Variants in COG2 observed in about 807,000 individuals in gnomAD.
COG2 encodes component of oligomeric golgi complex 2, also known as conserved oligomeric Golgi complex subunit 2.
COG2 carries 52 observed loss-of-function variants against 90.6 expected under a neutral mutation model. The observed-to-expected ratio is 0.57, with a 90% CI of 0.46 to 0.72. The LOEUF (loss-of-function observed/expected upper bound fraction) is 0.72. Ranked by LOEUF, COG2 falls within the 30% of genes least tolerant of loss-of-function variation. COG2 has a pLI of 0.00. For synonymous variants in COG2, 337 were observed against 320.4 expected (o/e 1.05, Z -0.55); for missense variants, 829 against 891.2 (o/e 0.93, Z 0.89).
chr1:230,690,915 G>A lies in COG2; in HGVS notation c.1935-469G>A, dbSNP rs186309561. On this transcript the variant is annotated intron_variant, in intron 16 of 17. Coordinates refer to ENST00000366669, the MANE Select transcript of COG2 (RefSeq NM_007357.3). ...AAATTATATTGCAAGTATTTTGAAG[G>A]CAATGAGCTTTATTTAAAATTCTGA... Among the ~76,000 whole-genome samples, 521 of 152,118 alleles carry A rather than the reference G, an allele frequency of 3.4e-3. 1 individual carries two copies. Among genetic ancestry groups the A allele is most frequent in the Middle Eastern group, 0.01 (3 of 294 alleles).
intron 17 of COG2, among the ~76,000 whole-genome samples, chr1:230,692,518 A>G (rs762476419): frequency 1.3e-5 from 2 of 152,136 alleles, no homozygotes; most frequent in African/African-American, 2.4e-5. Context: ...TATTTGGCAA[A>G]AAAACCCAAA....
At chr1:230,681,794 A>T (rs1461766938) in intron 10 of COG2, 2 of 152,186 alleles carry the variant, frequency 1.3e-5, no homozygotes, top group Non-Finnish European at 2.9e-5. Flanking sequence ...CCTGGAAGTG[A>T]CTGCACAGCA....
At chr1:230,648,463 A>C (rs1661841595) in intron 1 of COG2, among the ~76,000 whole-genome samples, 1 of 152,188 alleles carries the variant, frequency 6.6e-6, no homozygotes, top group African/African-American at 2.4e-5. Flanking sequence ...TTGTCACAGA[A>C]TTTTCTAATT....
In COG2 at chr1:230,687,096, G is replaced by A. The variant is rs758412933; in HGVS notation, c.1542G>A (p.Val514=). 3.1e-6 allele frequency: 5 copies of A among 1,613,250 alleles called. No homozygotes were observed. Among genetic ancestry groups the A allele is most frequent in the Non-Finnish European group, 3.4e-6 (4 of 1,179,504 alleles). Residue 514 remains valine (V), a synonymous_variant, in exon 13 of 18, where the codon GTG becomes GTA. Coordinates refer to ENST00000366669, the MANE Select transcript of COG2 (RefSeq NM_007357.3). ...PVVSISRTQL[V]YVVADLDKLQ... ...TTTCCATTTCCCGCACTCAGCTCGT[G>A]TATGTGGTTGCAGACCTGGACAAGC...
Position 230,659,431 on chromosome 1 carries a change from T to C in COG2, c.73-33T>C, listed in dbSNP as rs1359866. ...GTATATGTCACTGTGATATCATTGC[T>C]ATAATTTTTTCTTCTCTGGTTTTAT... On this transcript the variant is annotated intron_variant, in intron 1 of 17. Coordinates refer to ENST00000366669, the MANE Select transcript of COG2 (RefSeq NM_007357.3). The C allele has an allele frequency of 0.63, 990,910 of 1,561,318 alleles. 318,743 individuals are homozygous for C. Among genetic ancestry groups the C allele is most frequent in the East Asian group, 0.86 (38,380 of 44,656 alleles).
chr1:230,646,597 C>G (rs955002661), intron 1 of COG2, among the ~76,000 whole-genome samples: 5 of 152,166 alleles, frequency 3.3e-5, no homozygotes, highest in Admixed American at 2.6e-4. Context: ...CAAATACCTT[C>G]TTATCTGCAA....
chr1:230,658,785 G>A (rs912694008), intron 1 of COG2, among the ~76,000 whole-genome samples: 39 of 152,106 alleles, frequency 2.6e-4, no homozygotes, highest in African/African-American at 8.9e-4. Flanking sequence ...TGGCCACAGC[G>A]GCCTTGCTGA....
intron 10 of COG2, chr1:230,681,647 C>T (rs993711446): frequency 7.2e-5 from 11 of 152,242 alleles, no homozygotes; most frequent in African/African-American, 2.2e-4. Flanking sequence ...GGTTGCCCTT[C>T]TTACATGGAT....
intron 13 of COG2, among the ~76,000 whole-genome samples, chr1:230,687,340 G>A (rs1440759738): frequency 6.6e-6 from 1 of 152,094 alleles, no homozygotes; most frequent in African/African-American, 2.4e-5. Context: ...GGTTTCTAAG[G>A]GTGTGCACTT....
chr1:230,669,340 C>A lies in COG2; in HGVS notation c.595-16C>A. 1 of 1,574,476 alleles carries A rather than the reference C, an allele frequency of 6.4e-7. No homozygotes were observed. Among genetic ancestry groups the A allele is most frequent in the South Asian group, 1.2e-5 (1 of 85,832 alleles). Reference sequence around the variant, plus strand: ...CAACTAGAGCTTTTTTTTTATTTACCCACCTTTTCTTGCAGCGTATAGCTG... The same window carrying A: ...CAACTAGAGCTTTTTTTTTATTTACACACCTTTTCTTGCAGCGTATAGCTG... On this transcript the variant is annotated splice_polypyrimidine_tract_variant and intron_variant, in intron 6 of 17. Coordinates refer to ENST00000366669, the MANE Select transcript of COG2 (RefSeq NM_007357.3).
At chr1:230,644,550 A>G (rs942346058) in intron 1 of COG2, among the ~76,000 whole-genome samples, 2 of 152,188 alleles carry the variant, frequency 1.3e-5, no homozygotes, top group African/African-American at 4.8e-5. Context: ...GAAAATCCAG[A>G]TTTAAAGTTG....
chr1:230,667,647 G>A (rs1342288716), intron 5 of COG2, among the ~76,000 whole-genome samples: 3 of 152,128 alleles, frequency 2.0e-5, no homozygotes, highest in Non-Finnish European at 2.9e-5. Flanking sequence ...AACAGTTAGG[G>A]ATATTCAAGA....
At chr1:230,690,878 T>A (rs1345904561) in intron 16 of COG2, among the ~76,000 whole-genome samples, 1 of 152,204 alleles carries the variant, frequency 6.6e-6, no homozygotes, top group Non-Finnish European at 1.5e-5. Context: ...ATATAACTCA[T>A]TTATAATTTG....
rs1377705492 is a variant in COG2 at position 230,690,101 on chromosome 1, C to T, written c.1882C>T (p.Gln628Ter). 1 of 1,613,774 alleles carries T rather than the reference C, an allele frequency of 6.2e-7. No homozygotes were observed. The highest frequency in any genetic ancestry group is 2.2e-5 in the East Asian group (1 of 44,864). The change falls in exon 16 of 18, where the codon CAA becomes TAA. Residue 628 changes from glutamine (Q) to a stop codon, truncating the protein, a stop_gained. Transcript: ENST00000366669. LOFTEE classifies it high-confidence loss of function. ...GAGCGGACACAAGGATAAGCTCAAACAAGCAATAATTCAGCAGTGGCTAGA... is the reference window on the plus strand; with the variant it reads ...GAGCGGACACAAGGATAAGCTCAAATAAGCAATAATTCAGCAGTGGCTAGA... ...LQSGHKDKLK[Q>*]AIIQQWLEGT...
At chr1:230,684,169 A>T (rs1260167721) in intron 11 of COG2, among the ~76,000 whole-genome samples, 8 of 152,196 alleles carry the variant, frequency 5.3e-5, no homozygotes, top group Admixed American at 5.2e-4. Flanking sequence ...GAGATGAAAA[A>T]TGAATAAGAA....
chr1:230,674,733 G>C (rs919215841), intron 8 of COG2, among the ~76,000 whole-genome samples: 1 of 152,112 alleles, frequency 6.6e-6, no homozygotes, highest in African/African-American at 2.4e-5. Flanking sequence ...AGTGTACCAA[G>C]GTGATTTTAT....
intron 9 of COG2, 34 bp from the exon 10 acceptor site, chr1:230,678,879 T>C (rs748660922): frequency 8.4e-5 from 134 of 1,600,682 alleles, no homozygotes; most frequent in Non-Finnish European, 1.1e-4. Flanking sequence ...GTTAGTGTTC[T>C]AATAATGAAA....
In COG2 at chr1:230,678,978, A is replaced by G; in HGVS notation, c.1092A>G (p.Val364=). The change falls in exon 10 of 18, where the codon GTA becomes GTG. Residue 364 remains valine (V), a synonymous_variant. Coordinates refer to ENST00000366669, the MANE Select transcript of COG2 (RefSeq NM_007357.3). ...LERQCGSQAS[V]KRLRAHPAYH... is the part of the protein sequence containing the mutation. Reference sequence around the variant, plus strand: ...GGCAGTGTGGATCACAGGCTAGTGTAAAGAGATTAAGAGCCCATCCTGCCT... The same window carrying G: ...GGCAGTGTGGATCACAGGCTAGTGTGAAGAGATTAAGAGCCCATCCTGCCT... 1 of 1,613,604 alleles carries G rather than the reference A, an allele frequency of 6.2e-7. No individual in the cohort carries two copies. Among genetic ancestry groups the G allele is most frequent in the Non-Finnish European group, 8.5e-7 (1 of 1,179,710 alleles).
At chr1:230,672,579 C>A (rs1662476877) in intron 8 of COG2, among the ~76,000 whole-genome samples, 1 of 152,064 alleles carries the variant, frequency 6.6e-6, no homozygotes, top group African/African-American at 2.4e-5. Flanking sequence ...ACCTGTGATC[C>A]CAGCACTTTG....
Sources: gnomAD v4.1 joint callset for allele counts (sites outside exome capture counted in the v4.1 genomes callset) on GRCh38, gnomAD v4.1.1 for gene constraint, MANE v1.5 for transcripts, NCBI Gene and HGNC (gene_info 2026-07-23, HGNC 2026-07-21) for gene names.